COA1: variants seen among roughly 807,000 people sequenced by gnomAD.
COA1 encodes cytochrome c oxidase assembly factor 1 homolog.
In COA1, 13 loss-of-function variants were observed where a neutral mutation model predicts 16.0. The observed-to-expected ratio is 0.81, with a 90% CI of 0.53 to 1.29. The LOEUF is 1.29. Ranked by LOEUF, COA1 falls within the 50% of genes most tolerant of loss-of-function variation. The probability of loss-of-function intolerance (pLI) is 0.00; values close to 1 mark genes in which losing one functional copy is unlikely to be tolerated. For missense variants in COA1, 179 were observed against 177.0 expected (o/e 1.01, Z -0.06); for synonymous variants, 65 against 65.7 (o/e 0.99, Z 0.05).
intron 1 of COA1, chr7:43,659,076 G>A (rs2092148877): frequency 6.6e-6 from 1 of 152,270 alleles, no homozygotes; most frequent in South Asian, 2.1e-4. Context: ...AAGAATGGAA[G>A]CAGGGAGTCC....
chr7:43,670,298 A>G (rs979660367), intron 1 of COA1, among the ~76,000 whole-genome samples: 6 of 152,060 alleles, frequency 3.9e-5, no homozygotes, highest in Admixed American at 3.9e-4. Flanking sequence ...AAAATACAGA[A>G]AAAAATTAAC....
At chr7:43,648,680 A>T (rs2090106953) in intron 1 of COA1, 28 bp from the exon 2 acceptor site, 9 of 1,566,890 alleles carry the variant, frequency 5.7e-6, no homozygotes, top group Non-Finnish European at 7.9e-6. Flanking sequence ...TTTACATTAA[A>T]ATCATATTTT....
chr7:43,624,515 C>CATAA, intron 6 of COA1: 7 of 1,606,820 alleles, frequency 4.4e-6, no homozygotes, highest in Non-Finnish European at 5.9e-6. Flanking sequence ...TGTATCTTTA[C>CATAA]AGAGATCGAG....
downstream of COA1, among the ~76,000 whole-genome samples, chr7:43,638,171 G>GAGAT (rs2086224676): frequency 1.3e-5 from 2 of 151,392 alleles, no homozygotes; most frequent in South Asian, 4.2e-4. Context: ...CTCCAGAATA[G>GAGAT]AGATAACTTG....
chr7:43,670,669 AGAGACATAG>A (rs1362633585), intron 1 of COA1, among the ~76,000 whole-genome samples: 2 of 152,224 alleles, frequency 1.3e-5, no homozygotes, highest in Non-Finnish European at 2.9e-5. Flanking sequence ...ATGCACTAAA[AGAGACATAG>A]AGGGCTATGT....
At chr7:43,692,329 C>T (rs553177003) in intron 1 of COA1, among the ~76,000 whole-genome samples, 13 of 152,226 alleles carry the variant, frequency 8.5e-5, no homozygotes, top group Non-Finnish European at 1.8e-4. Context: ...GACCAGCCTA[C>T]GCAACATGGT....
At position 43,613,044 on chromosome 7, in the gene COA1, C is replaced by T. The variant is rs140736673; in HGVS notation, c.*134-3549G>A. ...TTGGTGAATTAGTCATTCAGTACAG[C>T]GGCCTGGTTTTAGTCCTGTCAGAGG... On this transcript the variant is annotated intron_variant and NMD_transcript_variant, in intron 6 of 6. Coordinates refer to the COA1 transcript ENST00000415076. Among the ~76,000 whole-genome samples, 331 of 152,302 alleles carry T rather than the reference C, an allele frequency of 2.2e-3. 1 individual carries two copies. Among genetic ancestry groups the T allele is most frequent in the African/African-American group, 7.5e-3 (313 of 41,562 alleles).
At chr7:43,728,927 A>G (rs1409999956) in intron 1 of COA1, among the ~76,000 whole-genome samples, 1 of 152,196 alleles carries the variant, frequency 6.6e-6, no homozygotes, top group African/African-American at 2.4e-5. Flanking sequence ...AATACATCCA[A>G]TGTCCCCTAC....
chr7:43,611,970 C>T (rs954145866), intron 6 of COA1, among the ~76,000 whole-genome samples: 7 of 152,202 alleles, frequency 4.6e-5, no homozygotes, highest in African/African-American at 1.7e-4. Context: ...TTTGATGTTA[C>T]TTGAGAGCAT....
At chr7:43,615,650 C>CAA (rs1306497458) in intron 6 of COA1, among the ~76,000 whole-genome samples, 1 of 152,144 alleles carries the variant, frequency 6.6e-6, no homozygotes, top group Non-Finnish European at 1.5e-5. Flanking sequence ...GAATAGCCTA[C>CAA]AAAGCCCTGT....
rs1554501888 is a variant in COA1, at chr7:43,644,817, G to GAGAGAGAGAGAGAGACAGAGAGAGAGAC, written c.264+433_264+434insGTCTCTCTCTCTGTCTCTCTCTCTCTCT. ...AGAGAGACAGAGAGAGAGAGAGAGA[G>GAGAGAGAGAGAGAGACAGAGAGAGAGAC]AGAGAGAGAGAGAGAGACAGGGTCT... On this transcript the variant is annotated intron_variant, in intron 4 of 5. Coordinates refer to ENST00000223336, the MANE Select transcript of COA1 (RefSeq NM_018224.4). 1.6e-5 allele frequency among the ~76,000 whole-genome samples: 2 copies of GAGAGAGAGAGAGAGACAGAGAGAGAGAC among 126,614 alleles called. 1 individual carries two copies. The highest frequency in any genetic ancestry group is 3.8e-5 in the Non-Finnish European group (2 of 52,168). 83.1% of individuals were successfully genotyped at this position (126,614 alleles called of 152,430 possible).
intron 1 of COA1, chr7:43,659,133 G>C (rs1297148742): frequency 6.6e-6 from 1 of 152,238 alleles, no homozygotes; most frequent in Non-Finnish European, 1.5e-5. Flanking sequence ...GGACTAGCTG[G>C]TAGCAGCAGA....
In COA1 at chr7:43,639,604, C is replaced by A; in HGVS notation, c.419G>T (p.Gly140Val). The A allele has an allele frequency of 6.2e-7, 1 of 1,613,864 alleles. No homozygotes were observed. Among genetic ancestry groups the A allele is most frequent in the Non-Finnish European group, 8.5e-7 (1 of 1,179,828 alleles). The change falls in exon 6 of 6, where the codon GGT (glycine) becomes GTT (valine). Residue 140 changes from glycine (G) to valine (V), a missense_variant. Physicochemically the swap from Gly to Val is moderately radical, Grantham distance 109 (BLOSUM62 -3). Transcript: ENST00000223336. ...IPVFKLSGENGDEVKKE is the reference protein window; with the variant it reads ...IPVFKLSGENVDEVKKE The stretch of plus-strand genomic sequence containing the variant: ...TCTCTACTCCTTTTTCACTTCATCA[C>A]CGTTTTCCCCACTGAGCTTGAACAC...
At chr7:43,644,744 A>AGATAGATAGATAGATT (rs1554501197) in intron 4 of COA1, among the ~76,000 whole-genome samples, 10 of 90,430 alleles carry the variant, frequency 1.1e-4, no homozygotes, top group African/African-American at 3.1e-4. Flanking sequence ...ATAGATAGAT[A>AGATAGATAGATAGATT]GATAGATAGA....
intron 6 of COA1, among the ~76,000 whole-genome samples, chr7:43,617,827 C>T (rs915337693): frequency 6.6e-6 from 1 of 152,144 alleles, no homozygotes; most frequent in Admixed American, 6.5e-5. Context: ...ACCCAGCATC[C>T]AGTGGACCAG....
rs2086525463 is a variant in COA1 at position 43,639,515 on chromosome 7, CCAGTGG to C, written c.*61_*66del. ...TCTGTCACTGAGATGGGCCACCACCCCAGTGGCCATATGGTAGAGATGAGGGAAGGA... is the reference window on the plus strand; with the variant it reads ...TCTGTCACTGAGATGGGCCACCACCCCCATATGGTAGAGATGAGGGAAGGA... On this transcript the variant is annotated 3_prime_UTR_variant, in exon 6 of 6. Coordinates refer to ENST00000223336, the MANE Select transcript of COA1 (RefSeq NM_018224.4). 1.6e-6 allele frequency: 2 copies of C among 1,289,732 alleles called. No individual in the cohort carries two copies. Among genetic ancestry groups the C allele is most frequent in the Non-Finnish European group, 2.3e-6 (2 of 888,316 alleles). 79.9% of individuals were successfully genotyped at this position (1,289,732 alleles called of 1,614,324 possible). A position where few individuals can be genotyped will look rare whatever the true frequency, so the allele number is the denominator to read the frequency against.
chr7:43,656,986 G>T (rs1490894438), intron 1 of COA1, among the ~76,000 whole-genome samples: 5 of 152,068 alleles, frequency 3.3e-5, no homozygotes, highest in Non-Finnish European at 5.9e-5. Context: ...TTTGAGTCCA[G>T]GAGTTCAAGA....
Position 43,623,961 on chromosome 7 carries a change from GT to G in COA1, c.*134-14467del, listed in dbSNP as rs2084208758. 2.9e-5 allele frequency: 33 copies of G among 1,122,794 alleles called. 1 individual carries two copies. In the South Asian group the frequency reaches 1.0e-3, roughly 35 times the overall value. 69.6% of individuals were successfully genotyped at this position (1,122,794 alleles called of 1,614,324 possible). ...AAAATTCAGTATTAAAAAACTGACAGTTTTTTCTTGAATCTCCTCCAACCAA... is the reference window on the plus strand; with the variant it reads ...AAAATTCAGTATTAAAAAACTGACAGTTTTTCTTGAATCTCCTCCAACCAA... On this transcript the variant is annotated intron_variant and NMD_transcript_variant, in intron 6 of 6. Coordinates refer to the COA1 transcript ENST00000415076.
chr7:43,615,685 A>G (rs1037934610), intron 6 of COA1, among the ~76,000 whole-genome samples: 4 of 151,674 alleles, frequency 2.6e-5, no homozygotes, highest in Admixed American at 6.6e-5. Flanking sequence ...TTCCTTTCCA[A>G]CCTCATGCCT....
Sources: allele counts gnomAD v4.1 joint callset (sites outside exome capture counted in the v4.1 genomes callset), GRCh38; gene constraint gnomAD v4.1.1; transcripts MANE v1.5; gene names NCBI Gene and HGNC (gene_info 2026-07-23, HGNC 2026-07-21).